PCSK5: variants seen among roughly 807,000 people sequenced by gnomAD.
PCSK5 encodes prohormone convertase 5.
In PCSK5, 129 loss-of-function variants were observed where a neutral mutation model predicts 233.2. The ratio of observed to expected loss-of-function variants is 0.55; its 90% CI spans 0.48 to 0.64. The LOEUF is 0.64. PCSK5 is among the 30% of genes least tolerant of loss of function. PCSK5 has a pLI of 0.00. For synonymous variants in PCSK5, 825 were observed against 879.2 expected (o/e 0.94, Z 1.09); for missense variants, 2,076 against 2,430.1 (o/e 0.85, Z 3.06).
chr9:76,246,199 G>A (rs1485519490), intron 24 of PCSK5, among the ~76,000 whole-genome samples: 1 of 151,818 alleles, frequency 6.6e-6, no homozygotes, highest in East Asian at 1.9e-4. Context: ...AAAATTAGCT[G>A]AACATGATGG....
At chr9:76,074,102 C>T (rs2131607216) in intron 7 of PCSK5, among the ~76,000 whole-genome samples, 1 of 152,028 alleles carries the variant, frequency 6.6e-6, no homozygotes, top group East Asian at 1.9e-4. Context: ...AATAGATTTC[C>T]CCACCCAACT....
intron 20 of PCSK5, among the ~76,000 whole-genome samples, chr9:76,209,080 T>G (rs990559): frequency 0.26 from 39,786 of 152,178 alleles, 6,518 homozygotes; most frequent in East Asian, 0.68. Flanking sequence ...AGCAGTCATT[T>G]TTAACTAAGG....
chr9:76,045,515 G>A (rs1057021599), intron 5 of PCSK5, among the ~76,000 whole-genome samples: 1 of 152,182 alleles, frequency 6.6e-6, no homozygotes, highest in Non-Finnish European at 1.5e-5. Flanking sequence ...CGATTTTAAA[G>A]TGGCAGAGGG....
At chr9:76,073,171 G>A (rs894416621) in intron 7 of PCSK5, among the ~76,000 whole-genome samples, 1 of 152,216 alleles carries the variant, frequency 6.6e-6, no homozygotes, top group Non-Finnish European at 1.5e-5. Context: ...ACAGTGGAAT[G>A]CATTGTTGAT....
At chr9:75,945,402 C>A (rs1000655552) in intron 2 of PCSK5, among the ~76,000 whole-genome samples, 1 of 152,000 alleles carries the variant, frequency 6.6e-6, no homozygotes, top group Non-Finnish European at 1.5e-5. Flanking sequence ...GTTGGCCCCA[C>A]CACTAACATT....
At chr9:76,168,159 T>C (rs1221734339) in intron 12 of PCSK5, among the ~76,000 whole-genome samples, 1 of 152,162 alleles carries the variant, frequency 6.6e-6, no homozygotes, top group Non-Finnish European at 1.5e-5. Context: ...AAGTGATGTG[T>C]TTATTTATTT....
chr9:75,932,307 A>G, intron 1 of PCSK5, 72 bp from the exon 2 acceptor site: 1 of 913,948 alleles, frequency 1.1e-6, no homozygotes, highest in Non-Finnish European at 1.7e-6. Flanking sequence ...AATGAAAAAC[A>G]GGAAAACAGA....
At chr9:76,170,429 G>T (rs1490628322) in intron 13 of PCSK5, among the ~76,000 whole-genome samples, 1 of 152,216 alleles carries the variant, frequency 6.6e-6, no homozygotes, top group Non-Finnish European at 1.5e-5. Context: ...GTCTGTTTCT[G>T]CACACAGCCT....
At chr9:76,164,556 C>T (rs928901236) in intron 12 of PCSK5, among the ~76,000 whole-genome samples, 3 of 152,156 alleles carry the variant, frequency 2.0e-5, no homozygotes, top group Non-Finnish European at 4.4e-5. Flanking sequence ...TTGGCTGGGT[C>T]CCTCTCCCAA....
At position 75,902,214 on chromosome 9, in the gene PCSK5, T is replaced by TTA. The variant is rs1554703242; in HGVS notation, c.192+10841_192+10842insTA. Among the ~76,000 whole-genome samples, 105 of 53,274 alleles carry TTA rather than the reference T, an allele frequency of 2.0e-3. 2 individuals carry two copies. Among genetic ancestry groups the TTA allele is most frequent in the South Asian group, 5.3e-3 (6 of 1,142 alleles). The allele number at this position is 53,274 out of a possible 152,430, so 34.9% of individuals were successfully genotyped here. A position where few individuals can be genotyped will look rare whatever the true frequency, so the allele number is the denominator to read the frequency against. On this transcript the variant is annotated intron_variant, in intron 1 of 37. Coordinates refer to ENST00000674117, the MANE Select transcript of PCSK5 (RefSeq NM_001372043.1). ...CTGGGTGACAGAGTGAGACACCATC[T>TTA]AAAAAAAAAAAAAAAAAAAAAAAAA...
upstream of PCSK5, among the ~76,000 whole-genome samples, chr9:75,890,347 C>A (rs1331639153): frequency 6.6e-6 from 1 of 152,120 alleles, no homozygotes; most frequent in Non-Finnish European, 1.5e-5. Flanking sequence ...ATCTTCAGGG[C>A]GGTTAATTCG....
At chr9:76,095,414 C>T (rs769413271) in intron 7 of PCSK5, among the ~76,000 whole-genome samples, 30 of 152,194 alleles carry the variant, frequency 2.0e-4, no homozygotes, top group Non-Finnish European at 2.6e-4. Flanking sequence ...ACGGTAATTA[C>T]AACTAATAAT....
intron 1 of PCSK5, among the ~76,000 whole-genome samples, chr9:75,907,934 G>C (rs1045841106): frequency 5.9e-5 from 9 of 152,224 alleles, no homozygotes; most frequent in African/African-American, 2.2e-4. Context: ...TCTTGTGATG[G>C]TCAGAGGCTC....
At chr9:76,193,479 T>G in intron 20 of PCSK5, 1 of 694,568 alleles carries the variant, frequency 1.4e-6, no homozygotes, top group Non-Finnish European at 2.3e-6. Context: ...GCTCTCTTTT[T>G]CTTTCTCTCT....
intron 5 of PCSK5, among the ~76,000 whole-genome samples, chr9:76,033,811 G>A (rs1011142173): frequency 6.6e-6 from 1 of 151,996 alleles, no homozygotes; most frequent in Non-Finnish European, 1.5e-5. Flanking sequence ...AGCCCCTCAG[G>A]CCTCTTTAAA....
intron 27 of PCSK5, among the ~76,000 whole-genome samples, chr9:76,297,386 G>T (rs796650290): frequency 1.8e-4 from 28 of 152,280 alleles, no homozygotes; most frequent in African/African-American, 6.7e-4. Context: ...CTCACCGTCA[G>T]TCAAGCTTGC....
At chr9:76,340,858 G>T (rs1217972721) in intron 35 of PCSK5, among the ~76,000 whole-genome samples, 1 of 151,772 alleles carries the variant, frequency 6.6e-6, no homozygotes, top group South Asian at 2.1e-4. Context: ...ACTGTGTTCA[G>T]TCTAAAATCC....
intron 3 of PCSK5, among the ~76,000 whole-genome samples, chr9:76,004,210 A>T (rs1057326149): frequency 2.6e-5 from 4 of 151,896 alleles, no homozygotes; most frequent in African/African-American, 9.7e-5. Context: ...TGATGAGGCC[A>T]GGCTTATGGT....
intron 8 of PCSK5, among the ~76,000 whole-genome samples, chr9:76,098,485 T>TGA (rs1163120686): frequency 5.9e-5 from 9 of 152,238 alleles, no homozygotes; most frequent in Non-Finnish European, 1.0e-4. Flanking sequence ...TTCTAACTCA[T>TGA]GGTCAACGTC....
Sources: gnomAD v4.1 joint callset for allele counts (sites outside exome capture counted in the v4.1 genomes callset) on GRCh38, gnomAD v4.1.1 for gene constraint, MANE v1.5 for transcripts, NCBI Gene and HGNC (gene_info 2026-07-23, HGNC 2026-07-21) for gene names.